Variants in CDK12 observed in about 807,000 individuals in gnomAD.
CDK12 encodes the protein cyclin-dependent kinase 12.
A neutral mutation model predicts 133.8 loss-of-function variants in CDK12; 17 were observed. The observed-to-expected ratio is 0.13, with a 90% CI of 0.09 to 0.19. The LOEUF is 0.19. Ranked by LOEUF, CDK12 falls within the 10% of genes least tolerant of loss-of-function variation. CDK12 has a pLI of 1.00. For missense variants in CDK12, 1,508 were observed against 1,818.7 expected, an observed-to-expected ratio of 0.83 and a Z score of 3.11; for synonymous variants, 694 against 683.6, an observed-to-expected ratio of 1.02 and a Z score of -0.24.
Position 39,461,738 on chromosome 17 carries a change from C to T in CDK12, c.-334C>T, listed in dbSNP as rs995581194. ...AGTCGGCTCCACAGCCCCGGGCCGT[C>T]GGCTTCTCACTTCCTGGACCTCCCC... On this transcript the variant is annotated 5_prime_UTR_variant, in exon 1 of 14. Transcript: ENST00000447079. 8.1e-6 allele frequency: 3 copies of T among 368,630 alleles called. No homozygotes were observed. The highest frequency in any genetic ancestry group is 1.5e-5 in the Non-Finnish European group (3 of 200,684). The allele number at this position is 368,630 out of a possible 1,614,324, so 22.8% of individuals were successfully genotyped here.
At position 39,517,543 on chromosome 17, in the gene CDK12, G is replaced by A. The variant is rs1424351691; in HGVS notation, c.2950G>A (p.Glu984Lys). 1 of 1,595,788 alleles carries A rather than the reference G, an allele frequency of 6.3e-7. No individual in the cohort carries two copies. The highest frequency in any genetic ancestry group is 8.6e-7 in the Non-Finnish European group (1 of 1,163,354). Reference sequence around the variant, plus strand: ...GAAGCAATATCGAAGGCGTCTACGAGAAGAATTCTCTTTGTGAGTTTGGGG... The same window carrying A: ...GAAGCAATATCGAAGGCGTCTACGAAAAGAATTCTCTTTGTGAGTTTGGGG... ...PKKQYRRRLR[E>K]EFSFIPSAAL... The change falls in exon 10 of 14, where the codon GAA (glutamate) becomes AAA (lysine). Residue 984 changes from glutamate to lysine, a missense_variant. Glu to Lys is a moderately conservative substitution (Grantham distance 56). Coordinates refer to ENST00000447079, the MANE Select transcript of CDK12 (RefSeq NM_016507.4).
chr17:39,516,570 T>A (rs573755726), intron 9 of CDK12, among the ~76,000 whole-genome samples: 3 of 151,962 alleles, frequency 2.0e-5, no homozygotes, highest in African/African-American at 7.2e-5. Flanking sequence ...TTGCCTGGGC[T>A]GGAACTCCTG....
chr17:39,566,106 T>C (rs894816524), downstream of CDK12, among the ~76,000 whole-genome samples: 2 of 152,196 alleles, frequency 1.3e-5, no homozygotes, highest in African/African-American at 2.4e-5. Flanking sequence ...AATAATAAAG[T>C]TTACCTTACT....
At chr17:39,563,128 C>T (rs1400350746) in intron 3 of CDK12, among the ~76,000 whole-genome samples, 1 of 152,078 alleles carries the variant, frequency 6.6e-6, no homozygotes, top group Non-Finnish European at 1.5e-5. Flanking sequence ...ATAACCATCT[C>T]ATTTACATAC....
intron 2 of CDK12, among the ~76,000 whole-genome samples, chr17:39,556,048 A>AG (rs2056152188): frequency 6.6e-6 from 1 of 151,562 alleles, no homozygotes; most frequent in African/African-American, 2.4e-5. Flanking sequence ...AAAAAAAAAA[A>AG]AAAGAAAACA....
At chr17:39,538,904 A>AATAAATAAATACATAC (rs778096927), downstream of CDK12, among the ~76,000 whole-genome samples, 1 of 144,886 alleles carries the variant, frequency 6.9e-6, no homozygotes, top group Non-Finnish European at 1.5e-5. Context: ...ATCTCAAATA[A>AATAAATAAATACATAC]ATACATACAT....
chr17:39,535,361 C>T (rs954738670), downstream of CDK12, among the ~76,000 whole-genome samples: 2 of 152,174 alleles, frequency 1.3e-5, no homozygotes, highest in African/African-American at 4.8e-5. Context: ...AGTTCAAAAA[C>T]TGGTGATGAT....
At position 39,516,915 on chromosome 17, in the gene CDK12, G is replaced by A. The variant is rs192289025; in HGVS notation, c.2847-525G>A. Among the ~76,000 whole-genome samples the A allele has an allele frequency of 2.3e-4, 35 of 151,954 alleles. 1 individual carries two copies. In the East Asian group the frequency reaches 5.8e-3, roughly 25 times the overall value. On this transcript the variant is annotated intron_variant, in intron 9 of 13. Transcript: ENST00000447079. ...CCTGACCTCATGATCCGCCCACCTC[G>A]GCCTCCCAAAGTGCTGGGATTACAG...
At chr17:39,490,366 C>CCA (rs1555560783) in intron 2 of CDK12, among the ~76,000 whole-genome samples, 191 bp from the exon 3 acceptor site, 1 of 139,416 alleles carries the variant, frequency 7.2e-6, no homozygotes, top group African/African-American at 2.6e-5. Flanking sequence ...TACTCTGTCT[C>CCA]AAAAAAAAAA....
At chr17:39,467,726 T>A (rs886316291) in intron 1 of CDK12, among the ~76,000 whole-genome samples, 3 of 152,126 alleles carry the variant, frequency 2.0e-5, no homozygotes, top group Non-Finnish European at 4.4e-5. Flanking sequence ...TAGCTGTATT[T>A]CAAGCAGAGA....
intron 3 of CDK12, among the ~76,000 whole-genome samples, chr17:39,491,532 G>A (rs543161692): frequency 2.0e-5 from 3 of 152,048 alleles, no homozygotes; most frequent in East Asian, 1.9e-4. Context: ...CACCGCGTCC[G>A]GCCTTATATT....
At chr17:39,499,977 C>T (rs946582577) in intron 5 of CDK12, among the ~76,000 whole-genome samples, 1 of 152,148 alleles carries the variant, frequency 6.6e-6, no homozygotes, top group Non-Finnish European at 1.5e-5. Flanking sequence ...CAGCAACAAG[C>T]AGCAGGCTGG....
intron 10 of CDK12, among the ~76,000 whole-genome samples, chr17:39,518,928 T>C (rs1319436806): frequency 6.6e-6 from 1 of 152,112 alleles, no homozygotes. Flanking sequence ...TGAGATGGGG[T>C]TTCGCTCTTG....
rs1555553398 is a variant in CDK12, at chr17:39,476,711, C to CATTTTT, written c.1931+4948_1931+4949insATTTTT. On this transcript the variant is annotated intron_variant, in intron 2 of 13. Transcript: ENST00000447079. The stretch of plus-strand genomic sequence containing the variant: ...TACAGGCATGAGCCACCATGCCTGC[C>CATTTTT]TTTTTTTTTTTTTTTTTTTTTTTTT... 7.8e-3 allele frequency among the ~76,000 whole-genome samples: 656 copies of CATTTTT among 84,524 alleles called. 142 individuals carry two copies. Among genetic ancestry groups the CATTTTT allele is most frequent in the African/African-American group, 0.019 (339 of 17,564 alleles). 55.5% of individuals were successfully genotyped at this position (84,524 alleles called of 152,430 possible). A position where few individuals can be genotyped will look rare whatever the true frequency, so the allele number is the denominator to read the frequency against.
chr17:39,519,787 A>G (rs2054054910), intron 10 of CDK12, among the ~76,000 whole-genome samples, 169 bp from the exon 11 acceptor site: 1 of 151,838 alleles, frequency 6.6e-6, no homozygotes, highest in Non-Finnish European at 1.5e-5. Context: ...TGTAGACATG[A>G]GGTTTCAGTA....
chr17:39,484,892 C>T (rs576848294), intron 2 of CDK12, among the ~76,000 whole-genome samples: 3 of 152,142 alleles, frequency 2.0e-5, no homozygotes, highest in South Asian at 2.1e-4. Context: ...ACACTCAGGC[C>T]GGGTGCGGTG....
intron 11 of CDK12, among the ~76,000 whole-genome samples, chr17:39,520,955 C>G (rs1007198994): frequency 6.6e-6 from 1 of 152,168 alleles, no homozygotes; most frequent in Non-Finnish European, 1.5e-5. Context: ...TCAAGCGATT[C>G]ACCTGCCTCA....
intron 6 of CDK12, among the ~76,000 whole-genome samples, chr17:39,505,523 CAAAAAA>C (rs369918356): frequency 3.1e-5 from 3 of 97,744 alleles, no homozygotes; most frequent in Admixed American, 2.5e-4. Flanking sequence ...GACTCCGTCT[CAAAAAA>C]AAAAAAAAAA....
At chr17:39,481,633 G>GCGCT in intron 2 of CDK12, among the ~76,000 whole-genome samples, 1 of 17,628 alleles carries the variant, frequency 5.7e-5, no homozygotes, top group East Asian at 1.9e-3. Context: ...TCGCTCGCGC[G>GCGCT]CTCTCTCTCT....
Sources: allele counts gnomAD v4.1 joint callset (sites outside exome capture counted in the v4.1 genomes callset), GRCh38; gene constraint gnomAD v4.1.1; transcripts MANE v1.5; gene names NCBI Gene and HGNC (gene_info 2026-07-23, HGNC 2026-07-21).